The following PDE11A variants were observed in gnomAD, a reference collection of about 807,000 sequenced individuals.
PDE11A encodes dual 3',5'-cyclic-AMP and -GMP phosphodiesterase 11A.
Under a neutral mutation model 100.5 loss-of-function variants are expected in PDE11A, and 100 were observed. The observed-to-expected ratio is 1.00, with a 90% confidence interval of 0.85 to 1.18. PDE11A has a LOEUF of 1.18. Ranked by LOEUF, PDE11A falls within the 50% of genes most tolerant of loss-of-function variation. The pLI is 0.00. For missense variants in PDE11A, 1,141 were observed against 1,152.6 expected, an observed-to-expected ratio of 0.99 and a Z score of 0.15; for synonymous variants, 381 against 420.8, an observed-to-expected ratio of 0.91 and a Z score of 1.16.
chr2:177,846,272 T>C (rs537655989), intron 5 of PDE11A, among the ~76,000 whole-genome samples: 132 of 152,316 alleles, frequency 8.7e-4, no homozygotes, highest in Non-Finnish European at 1.6e-3. Context: ...GTAAAATGGG[T>C]ATAATACTAC....
intron 9 of PDE11A, among the ~76,000 whole-genome samples, chr2:177,785,041 C>T (rs1004503178): frequency 6.6e-6 from 1 of 152,078 alleles, no homozygotes; most frequent in Non-Finnish European, 1.5e-5. Flanking sequence ...CTTAGTGTGC[C>T]AACAATGGGG....
intron 5 of PDE11A, among the ~76,000 whole-genome samples, chr2:177,845,627 GT>G (rs797009628): frequency 1.3e-5 from 2 of 152,236 alleles, no homozygotes; most frequent in East Asian, 3.9e-4. Context: ...CCCAGACGGG[GT>G]GGCGGCCGGG....
intron 2 of PDE11A, among the ~76,000 whole-genome samples, chr2:178,009,584 A>G (rs2086252216): frequency 6.6e-6 from 1 of 152,176 alleles, no homozygotes; most frequent in South Asian, 2.1e-4. Flanking sequence ...TCTGTCAGGT[A>G]AAATTTCCTG....
At chr2:177,784,715 C>T (rs1405555561) in intron 9 of PDE11A, among the ~76,000 whole-genome samples, 2 of 152,184 alleles carry the variant, frequency 1.3e-5, no homozygotes, top group African/African-American at 4.8e-5. Flanking sequence ...CATGTGACCT[C>T]CCAAGCTGAG....
At chr2:177,873,202 T>C (rs1157876009) in intron 5 of PDE11A, among the ~76,000 whole-genome samples, 1 of 152,256 alleles carries the variant, frequency 6.6e-6, no homozygotes, top group East Asian at 1.9e-4. Flanking sequence ...GTATAAAAAA[T>C]AACAATATTG....
chr2:177,897,952 T>A, intron 4 of PDE11A, 106 bp downstream of exon 4: 1 of 959,102 alleles, frequency 1.0e-6, no homozygotes, highest in South Asian at 1.3e-5. Context: ...GGTTGAAGAG[T>A]CACGAAGAGT....
intron 10 of PDE11A, among the ~76,000 whole-genome samples, chr2:177,730,315 G>A (rs1176511722): frequency 6.6e-6 from 1 of 152,074 alleles, no homozygotes; most frequent in Non-Finnish European, 1.5e-5. Context: ...CTATGAGTGA[G>A]AACATGCGGT....
intron 15 of PDE11A, 104 bp from the exon 16 acceptor site, chr2:177,681,007 C>G (rs2080854327): frequency 1.5e-6 from 1 of 675,126 alleles, no homozygotes; most frequent in Non-Finnish European, 2.6e-6. Flanking sequence ...CATAAGACCA[C>G]TTGAACCAAG....
chr2:177,944,762 C>T (rs1214506394), intron 2 of PDE11A, among the ~76,000 whole-genome samples: 2 of 151,518 alleles, frequency 1.3e-5, no homozygotes, highest in Admixed American at 6.6e-5. Flanking sequence ...CCTCCGAGGC[C>T]GAGGACTCGG....
At chr2:178,060,808 T>C (rs933544951) in intron 1 of PDE11A, among the ~76,000 whole-genome samples, 10 of 151,912 alleles carry the variant, frequency 6.6e-5, no homozygotes, top group African/African-American at 2.4e-4. Context: ...TAGTTGGATG[T>C]TTGGATTGAT....
intron 2 of PDE11A, among the ~76,000 whole-genome samples, chr2:178,078,954 C>G (rs931589039): frequency 6.6e-6 from 1 of 152,060 alleles, no homozygotes; most frequent in African/African-American, 2.4e-5. Flanking sequence ...ACTGACAATA[C>G]AAGATACCAC....
intron 16 of PDE11A, among the ~76,000 whole-genome samples, chr2:177,679,179 CTG>C (rs1265864604): frequency 1.3e-5 from 2 of 151,900 alleles, no homozygotes; most frequent in African/African-American, 4.8e-5. Flanking sequence ...TGGAAGGTGA[CTG>C]TGGTTCAACA....
At chr2:177,737,822 G>A (rs527347199) in intron 10 of PDE11A, among the ~76,000 whole-genome samples, 22 of 152,318 alleles carry the variant, frequency 1.4e-4, no homozygotes, top group Non-Finnish European at 2.5e-4. Context: ...TAGGAATTAC[G>A]TCTGTCTTGT....
chr2:177,800,168 A>G (rs1403744373), intron 9 of PDE11A, among the ~76,000 whole-genome samples: 1 of 110,670 alleles, frequency 9.0e-6, no homozygotes, highest in African/African-American at 3.3e-5. Context: ...TAACAGTCTA[A>G]TTAAAAAAAT....
chr2:177,937,502 A>G (rs2085290166), intron 2 of PDE11A, among the ~76,000 whole-genome samples: 1 of 151,970 alleles, frequency 6.6e-6, no homozygotes, highest in Admixed American at 6.6e-5. Flanking sequence ...TATTTTCAGC[A>G]GAGACGGGGT....
chr2:177,762,182 C>G (rs1252401507), intron 10 of PDE11A, among the ~76,000 whole-genome samples: 1 of 152,046 alleles, frequency 6.6e-6, no homozygotes, highest in Admixed American at 6.6e-5. Flanking sequence ...CCCATGATGA[C>G]TGTACAATGA....
At chr2:177,920,956 G>C (rs984967416) in intron 2 of PDE11A, among the ~76,000 whole-genome samples, 15 of 151,984 alleles carry the variant, frequency 9.9e-5, no homozygotes, top group African/African-American at 2.7e-4. Context: ...CAGCTACTTG[G>C]GAGGCTGAGG....
At chr2:178,084,518 CTGATGGTTTCGCAAGCCAGAATGCAGA>C (rs2087324358) in intron 2 of PDE11A, among the ~76,000 whole-genome samples, 1 of 152,156 alleles carries the variant, frequency 6.6e-6, no homozygotes, top group Non-Finnish European at 1.5e-5. Flanking sequence ...GTAAGAAATG[CTGATGGTTTCGCAAGCCAGAATGCAGA>C]CATGAGCAAG....
chr2:177,645,595 T>C (rs80147314), intron 19 of PDE11A, among the ~76,000 whole-genome samples: 3,640 of 152,326 alleles, frequency 0.024, 130 homozygotes, highest in African/African-American at 0.082. Flanking sequence ...CTAAATATAA[T>C]TCCTAAATGA....
Sources: allele counts gnomAD v4.1 joint callset (sites outside exome capture counted in the v4.1 genomes callset), GRCh38; gene constraint gnomAD v4.1.1; transcripts MANE v1.5; gene names NCBI Gene and HGNC (gene_info 2026-07-23, HGNC 2026-07-21).